SLC9A4: variants seen among roughly 807,000 people sequenced by gnomAD.
The protein encoded by SLC9A4 is solute carrier family 9 member A4.
SLC9A4 carries 63 observed loss-of-function variants against 67.4 expected under a neutral mutation model. That is an observed-to-expected ratio of 0.93 (90% CI 0.76 to 1.15). SLC9A4 has a LOEUF of 1.15. Ranked by LOEUF, SLC9A4 falls within the 50% of genes most tolerant of loss-of-function variation. The pLI, the probability that SLC9A4 is intolerant of heterozygous loss-of-function variation, is 0.00. For synonymous variants in SLC9A4, 393 were observed against 367.2 expected (o/e 1.07, Z -0.80); for missense variants, 1,089 against 987.7 (o/e 1.10, Z -1.38).
At chr2:102,522,759 A>G (rs1674548954) in intron 9 of SLC9A4, among the ~76,000 whole-genome samples, 1 of 152,338 alleles carries the variant, frequency 6.6e-6, no homozygotes, top group Non-Finnish European at 1.5e-5. Flanking sequence ...TTCAATGTAT[A>G]AAATGCACAT....
Position 102,503,481 on chromosome 2 carries a change from A to G in SLC9A4, c.754A>G (p.Met252Val). ...LYNMLIAFTK[M>V]HKFEDIETVD... ...CAATATGTTAATTGCCTTTACAAAGATGCATAAATTTGAAGACATAGAAAC... is the reference window on the plus strand; with the variant it reads ...CAATATGTTAATTGCCTTTACAAAGGTGCATAAATTTGAAGACATAGAAAC... The change falls in exon 3 of 12, where the codon ATG becomes GTG. Residue 252 changes from methionine to valine, a missense_variant. By Grantham distance (21) the Met-to-Val change is conservative. Coordinates refer to ENST00000295269, the MANE Select transcript of SLC9A4 (RefSeq NM_001011552.4). 1.9e-6 allele frequency: 3 copies of G among 1,613,032 alleles called. No individual in the cohort carries two copies. Among genetic ancestry groups the G allele is most frequent in the Middle Eastern group, 1.7e-4 (1 of 6,058 alleles).
chr2:102,503,696 C>T lies in SLC9A4; in HGVS notation c.969C>T (p.Ser323=). Residue 323 remains serine (S), a synonymous_variant, in exon 3 of 12, where the codon TCC becomes TCT. Coordinates refer to ENST00000295269, the MANE Select transcript of SLC9A4 (RefSeq NM_001011552.4). ...SYLAAETLYL[S]GILAITACAV... ...TAGCTGCTGAAACCCTCTATCTCTC[C>T]GGCATCCTGGCGTGAGTACAAACCA... 4.3e-6 allele frequency: 7 copies of T among 1,614,112 alleles called. No homozygotes were observed. Among genetic ancestry groups the T allele is most frequent in the African/African-American group, 2.7e-5 (2 of 75,040 alleles).
intron 10 of SLC9A4, among the ~76,000 whole-genome samples, 179 bp from the exon 11 acceptor site, chr2:102,526,080 G>T (rs1009994588): frequency 6.6e-6 from 1 of 152,142 alleles, no homozygotes; most frequent in African/African-American, 2.4e-5. Flanking sequence ...TAGAGACGGG[G>T]TTTCACCATG....
Position 102,503,651 on chromosome 2 carries a change from G to A in SLC9A4, c.924G>A (p.Met308Ile). ...ISAIEPLIVF[M>I]FSYLSYLAAE... is the part of the protein sequence containing the mutation. ...CAATTGAGCCACTCATCGTCTTCAT[G>A]TTCAGCTATTTGTCTTACTTAGCTG... is the stretch of plus-strand genomic sequence containing the variant. The change falls in exon 3 of 12, where the codon ATG (methionine) becomes ATA (isoleucine). Residue 308 changes from methionine (M) to isoleucine (I), a missense_variant. Physicochemically the swap from Met to Ile is conservative, Grantham distance 10 (BLOSUM62 1). Coordinates refer to ENST00000295269, the MANE Select transcript of SLC9A4 (RefSeq NM_001011552.4). The A allele has an allele frequency of 1.2e-6, 2 of 1,614,168 alleles. No homozygotes were observed. Among genetic ancestry groups the A allele is most frequent in the Non-Finnish European group, 1.7e-6 (2 of 1,180,030 alleles).
At position 102,485,022 on chromosome 2, in the gene SLC9A4, C is replaced by T. The variant is rs375220961; in HGVS notation, c.720+5720C>T. Among the ~76,000 whole-genome samples the T allele has an allele frequency of 3.3e-5, 5 of 152,214 alleles. No individual in the cohort carries two copies. In the South Asian group the frequency reaches 1.0e-3, roughly 32 times the overall value. ...CATTCACCTTGATGGGTGCTTCATGCCATTTTCCTTATTTAAGCCTCATGG... is the reference window on the plus strand; with the variant it reads ...CATTCACCTTGATGGGTGCTTCATGTCATTTTCCTTATTTAAGCCTCATGG... On this transcript the variant is annotated intron_variant, in intron 2 of 11. Transcript: ENST00000295269.
intron 11 of SLC9A4, among the ~76,000 whole-genome samples, chr2:102,530,399 T>C (rs1002047392): frequency 6.6e-6 from 1 of 152,216 alleles, no homozygotes; most frequent in African/African-American, 2.4e-5. Context: ...GGAGGAGAGT[T>C]ATGCGAAAAG....
chr2:102,525,393 G>A (rs1185333803), intron 10 of SLC9A4, among the ~76,000 whole-genome samples: 1 of 151,826 alleles, frequency 6.6e-6, no homozygotes, highest in Non-Finnish European at 1.5e-5. Context: ...AGTGGGTCAG[G>A]GACTGCCACA....
chr2:102,479,615 C>G (rs1160814984), intron 2 of SLC9A4, among the ~76,000 whole-genome samples: 1 of 152,124 alleles, frequency 6.6e-6, no homozygotes, highest in African/African-American at 2.4e-5. Flanking sequence ...TGCTAATGGC[C>G]CTTCTGGGGT....
intron 1 of SLC9A4, 112 bp downstream of exon 1, chr2:102,474,127 A>G: frequency 7.8e-7 from 1 of 1,282,394 alleles, no homozygotes; most frequent in South Asian, 1.5e-5. Flanking sequence ...CTGCTATTAC[A>G]TTAAAAATTC....
intron 11 of SLC9A4, among the ~76,000 whole-genome samples, chr2:102,529,639 T>A (rs1161887751): frequency 3.9e-5 from 6 of 152,224 alleles, no homozygotes; most frequent in Non-Finnish European, 5.9e-5. Flanking sequence ...ATCATTGGAA[T>A]CCTTCTCTCC....
chr2:102,481,101 C>A (rs917126137), intron 2 of SLC9A4, among the ~76,000 whole-genome samples: 8 of 152,240 alleles, frequency 5.3e-5, no homozygotes, highest in African/African-American at 1.4e-4. Flanking sequence ...TTGGCTGGGG[C>A]ACCTTATCCA....
chr2:102,482,364 C>A (rs555776279), intron 2 of SLC9A4, among the ~76,000 whole-genome samples: 48 of 152,146 alleles, frequency 3.2e-4, no homozygotes, highest in African/African-American at 1.1e-3. Context: ...GGATTTATTG[C>A]CTTTAGGTTG....
At chr2:102,506,277 T>C (rs1376400485) in intron 4 of SLC9A4, among the ~76,000 whole-genome samples, 1 of 152,196 alleles carries the variant, frequency 6.6e-6, no homozygotes, top group Non-Finnish European at 1.5e-5. Context: ...AGCAAATCTA[T>C]TTTTAAGTGA....
intron 5 of SLC9A4, 117 bp downstream of exon 5, chr2:102,508,398 A>G (rs1271410007): frequency 5.1e-6 from 5 of 979,258 alleles, no homozygotes; most frequent in African/African-American, 1.7e-5. Context: ...CAATACCCAA[A>G]CTAAATTTCC....
At chr2:102,501,846 C>T (rs1027798570) in intron 2 of SLC9A4, among the ~76,000 whole-genome samples, 1 of 151,524 alleles carries the variant, frequency 6.6e-6, no homozygotes, top group Admixed American at 6.6e-5. Context: ...AGATGATTCC[C>T]ATCTTGGAGA....
intron 2 of SLC9A4, among the ~76,000 whole-genome samples, chr2:102,481,740 A>G (rs1684468260): frequency 6.6e-6 from 1 of 152,156 alleles, no homozygotes; most frequent in South Asian, 2.1e-4. Context: ...TAAAAGTTCT[A>G]AATTTTTATA....
chr2:102,512,139 T>G, intron 6 of SLC9A4, 64 bp from the exon 7 acceptor site: 1 of 1,576,016 alleles, frequency 6.3e-7, no homozygotes, highest in Non-Finnish European at 8.7e-7. Flanking sequence ...GTGTCTTAGT[T>G]GTCCTGTGTG....
At chr2:102,483,841 T>TATATATATATAC (rs370126753) in intron 2 of SLC9A4, among the ~76,000 whole-genome samples, 3 of 126,782 alleles carry the variant, frequency 2.4e-5, no homozygotes, top group African/African-American at 9.3e-5. Flanking sequence ...TATATATATA[T>TATATATATATAC]ACACACACAC....
At chr2:102,512,847 A>G (rs1558669507) in intron 7 of SLC9A4, among the ~76,000 whole-genome samples, 1 of 152,184 alleles carries the variant, frequency 6.6e-6, no homozygotes, top group Non-Finnish European at 1.5e-5. Flanking sequence ...CTGGAAGCTC[A>G]CTGAGGATGG....
Sources: gnomAD v4.1 joint callset for allele counts (sites outside exome capture counted in the v4.1 genomes callset) on GRCh38, gnomAD v4.1.1 for gene constraint, MANE v1.5 for transcripts, NCBI Gene and HGNC (gene_info 2026-07-23, HGNC 2026-07-21) for gene names.